Variants in MON1A observed in about 807,000 individuals in gnomAD.
MON1A encodes vacuolar fusion protein MON1 homolog A.
A neutral mutation model predicts 44.6 loss-of-function variants in MON1A; 29 were observed. The observed-to-expected ratio is 0.65, with a 90% CI of 0.48 to 0.89. MON1A has a LOEUF of 0.89. Among genes scored for constraint, MON1A ranks in the 40% least tolerant of loss-of-function variants. The probability of loss-of-function intolerance (pLI) is 0.00; values close to 1 mark genes in which losing one functional copy is unlikely to be tolerated. For missense variants in MON1A, 615 were observed against 759.6 expected, an observed-to-expected ratio of 0.81 and a Z score of 2.24; for synonymous variants, 275 against 316.4, an observed-to-expected ratio of 0.87 and a Z score of 1.39.
chr3:49,924,590 A>T, intron 1 of MON1A: 1 of 229,694 alleles, frequency 4.4e-6, no homozygotes. Context: ...AAGGTATGAG[A>T]ATCACTTGAA....
chr3:49,909,350 A>C lies in MON1A; in HGVS notation c.1430T>G (p.Leu477Arg), dbSNP rs747010377. ...YTSEEEQERL[L>R]GLYQYLHSRA... ...ACTGTGCAAGTACTGGTAGAGGCCC[A>C]GCAGCCGCTCCTGCTCCTCTTCACT... is the stretch of plus-strand genomic sequence containing the variant. Residue 477 changes from leucine to arginine, a missense_variant, in exon 5 of 6, where the codon CTG (leucine) becomes CGG (arginine). Leu to Arg is a moderately radical substitution (Grantham distance 102). Coordinates refer to ENST00000296473, the MANE Select transcript of MON1A (RefSeq NM_032355.4). The surrounding 1 kb of genome is among the most constrained non-coding windows in gnomAD (Gnocchi z 4.0). 2 of 1,614,056 alleles carry C rather than the reference A, an allele frequency of 1.2e-6. No individual in the cohort carries two copies. Among genetic ancestry groups the C allele is most frequent in the South Asian group, 2.2e-5 (2 of 91,088 alleles).
At chr3:49,929,242 C>A in intron 1 of MON1A, 1 of 343,122 alleles carries the variant, frequency 2.9e-6, no homozygotes, top group South Asian at 2.6e-5. Flanking sequence ...AAGCAAAGAC[C>A]CAAGCCCCTT....
In MON1A at chr3:49,911,003, T is replaced by C; in HGVS notation, c.614-119A>G. ...TCCTCGCTCAGAGCTCTGCGCACAG[T>C]AGGGGTTTAAGGATGTTCAGGATAA... On this transcript the variant is annotated intron_variant, in intron 3 of 5. Coordinates refer to ENST00000296473, the MANE Select transcript of MON1A (RefSeq NM_032355.4). This position sits in a 1 kb window ranked among gnomAD's most constrained non-coding sequence, Gnocchi z 5.7. 1 of 998,070 alleles carries C rather than the reference T, an allele frequency of 1.0e-6. No homozygotes were observed. The highest frequency in any genetic ancestry group is 1.4e-6 in the Non-Finnish European group (1 of 694,380). The allele number at this position is 998,070 out of a possible 1,614,324, so 61.8% of individuals were successfully genotyped here.
chr3:49,928,530 C>T (rs1575482393), intron 1 of MON1A, among the ~76,000 whole-genome samples: 1 of 152,298 alleles, frequency 6.6e-6, no homozygotes, highest in Non-Finnish European at 1.5e-5. Context: ...CAAGTTGGCT[C>T]AATCAGCCCT....
At chr3:49,913,396 G>A in intron 1 of MON1A, 37 bp from the exon 2 acceptor site, 1 of 1,585,474 alleles carries the variant, frequency 6.3e-7, no homozygotes, top group South Asian at 1.1e-5. Context: ...ATGGCTTTTG[G>A]CAGGGTCACA....
rs1313335018 is a variant in MON1A at position 49,910,119 on chromosome 3, CTGG to C, written c.1376_1378del (p.Thr459del). ...CAGTGCCCTCAAGGCCCTCCCTCAC[CTGG>C]TGAAGAGTCCCGAGCTCTTTGACTT... On this transcript the variant is annotated inframe_deletion and splice_region_variant, in exon 4 of 6. Transcript: ENST00000296473. The surrounding 1 kb of genome is among the most constrained non-coding windows in gnomAD (Gnocchi z 8.0). 6.3e-7 allele frequency: 1 copy of C among 1,586,746 alleles called. No individual in the cohort carries two copies. The highest frequency in any genetic ancestry group is 1.1e-5 in the South Asian group (1 of 88,288).
At chr3:49,912,139 GC>G in intron 2 of MON1A, 128 bp from the exon 3 acceptor site, 1 of 1,109,184 alleles carries the variant, frequency 9.0e-7, no homozygotes, top group Non-Finnish European at 1.2e-6. Flanking sequence ...GTTCCCTTCT[GC>G]CACTGTCTGC....
chr3:49,913,000 A>T, intron 2 of MON1A: 1 of 685,036 alleles, frequency 1.5e-6, no homozygotes, highest in Non-Finnish European at 2.6e-6. Context: ...CCACAATGGC[A>T]GCCAGAAAGC....
intron 1 of MON1A, among the ~76,000 whole-genome samples, chr3:49,923,104 G>A (rs890909860): frequency 1.3e-4 from 20 of 151,862 alleles, no homozygotes; most frequent in Admixed American, 1.2e-3. Context: ...CACTTTGGGA[G>A]GCCGAGGCAG....
chr3:49,914,017 C>T (rs533428507), intron 1 of MON1A, among the ~76,000 whole-genome samples: 6 of 151,948 alleles, frequency 3.9e-5, no homozygotes, highest in Non-Finnish European at 7.4e-5. Context: ...TTGACTTGGG[C>T]TCAAGCAGTC....
At position 49,911,385 on chromosome 3, in the gene MON1A, A is replaced by G; in HGVS notation, c.613+141T>C. On this transcript the variant is annotated intron_variant, in intron 3 of 5. Coordinates refer to ENST00000296473, the MANE Select transcript of MON1A (RefSeq NM_032355.4). This position sits in a 1 kb window ranked among gnomAD's most constrained non-coding sequence, Gnocchi z 5.7. ...GTTGTTATCTTCTGTTCAGGTGAGG[A>G]CCTTGAAGCTCAGAGAGGTAGAGGG... 7.8e-7 allele frequency: 1 copy of G among 1,274,752 alleles called. No individual in the cohort carries two copies. The highest frequency in any genetic ancestry group is 1.5e-5 in the African/African-American group (1 of 67,000). The allele number at this position is 1,274,752 out of a possible 1,614,324, so 79.0% of individuals were successfully genotyped here.
At chr3:49,913,658 G>GTTTTTTTTTTTTTTTTTTT (rs1559493127) in intron 1 of MON1A, among the ~76,000 whole-genome samples, 79 of 121,412 alleles carry the variant, frequency 6.5e-4, no homozygotes, top group African/African-American at 2.1e-3. Context: ...TTTCCTTCTA[G>GTTTTTTTTTTTTTTTTTTT]TATTTTTTTT....
In MON1A at chr3:49,910,488, T is replaced by C; in HGVS notation, c.1010A>G (p.Asp337Gly). The change falls in exon 4 of 6, where the codon GAC becomes GGC. Residue 337 changes from aspartate to glycine, a missense_variant. Coordinates refer to ENST00000296473, the MANE Select transcript of MON1A (RefSeq NM_032355.4). This position sits in a 1 kb window ranked among gnomAD's most constrained non-coding sequence, Gnocchi z 8.0. ...NQLVALVRRKDQFLHPIDLHL... is the reference protein window; with the variant it reads ...NQLVALVRRKGQFLHPIDLHL... Reference sequence around the variant, plus strand: ...CAGGTCGATGGGGTGCAGAAATTGGTCCTTTCGGCGCACGAGTGCCACGAG... The same window carrying C: ...CAGGTCGATGGGGTGCAGAAATTGGCCCTTTCGGCGCACGAGTGCCACGAG... The C allele has an allele frequency of 6.2e-7, 1 of 1,614,028 alleles. No homozygotes were observed. The highest frequency in any genetic ancestry group is 1.1e-5 in the South Asian group (1 of 91,086).
intron 1 of MON1A, among the ~76,000 whole-genome samples, chr3:49,928,558 A>C (rs915508468): frequency 1.3e-5 from 2 of 151,812 alleles, no homozygotes; most frequent in African/African-American, 4.8e-5. Context: ...TGCCTCTCTC[A>C]CTCAGGCAGC....
At position 49,911,213 on chromosome 3, in the gene MON1A, G is replaced by GATGGATAGATAGATAGATGATAGATAC. The variant is rs2082877137; in HGVS notation, c.613+312_613+313insGTATCTATCATCTATCTATCTATCCAT. Among the ~76,000 whole-genome samples, 1 of 140,084 alleles carries GATGGATAGATAGATAGATGATAGATAC rather than the reference G, an allele frequency of 7.1e-6. No homozygotes were observed. The highest frequency in any genetic ancestry group is 2.8e-5 in the African/African-American group (1 of 35,624). The allele number at this position is 140,084 out of a possible 152,430, so 91.9% of individuals were successfully genotyped here. ...GATTAGATAGATAGATAGATAGATA[G>GATGGATAGATAGATAGATGATAGATAC]ATAGATAGATAGATAGATAGATAGA... On this transcript the variant is annotated intron_variant, in intron 3 of 5. Coordinates refer to ENST00000296473, the MANE Select transcript of MON1A (RefSeq NM_032355.4). The surrounding 1 kb of genome is among the most constrained non-coding windows in gnomAD (Gnocchi z 5.7).
At chr3:49,913,119 A>C in intron 2 of MON1A, 101 bp downstream of exon 2, 2 of 1,474,656 alleles carry the variant, frequency 1.4e-6, no homozygotes, top group Non-Finnish European at 1.9e-6. Flanking sequence ...GTGACTGACA[A>C]ATGCATGAAT....
Position 49,911,691 on chromosome 3 carries a change from C to G in MON1A, c.448G>C (p.Ala150Pro). 1 of 1,614,116 alleles carries G rather than the reference C, an allele frequency of 6.2e-7. No individual in the cohort carries two copies. Among genetic ancestry groups the G allele is most frequent in the Middle Eastern group, 1.6e-4 (1 of 6,062 alleles). The change falls in exon 3 of 6, where the codon GCA becomes CCA. Residue 150 changes from alanine to proline, a missense_variant. By Grantham distance (27) the Ala-to-Pro change is conservative (BLOSUM62 -1). Transcript: ENST00000296473. This position sits in a 1 kb window ranked among gnomAD's most constrained non-coding sequence, Gnocchi z 5.7. ...TEGDEEDATE[A>P]WRLHQKHVFV... is the part of the protein sequence containing the mutation. Reference sequence around the variant, plus strand: ...ACATGCTTCTGGTGCAGGCGCCATGCCTCCGTGGCATCCTCCTCATCCCCC... The same window carrying G: ...ACATGCTTCTGGTGCAGGCGCCATGGCTCCGTGGCATCCTCCTCATCCCCC...
In MON1A at chr3:49,911,509, C is replaced by A; in HGVS notation, c.613+17G>T. On this transcript the variant is annotated intron_variant, in intron 3 of 5. Transcript: ENST00000296473. This position sits in a 1 kb window ranked among gnomAD's most constrained non-coding sequence, Gnocchi z 5.7. The stretch of plus-strand genomic sequence containing the variant: ...TGGCCAGGGGAGCCCGCCCCATTCC[C>A]TCTCCAGGTGGCTCACCTGCATGGA... 1 of 1,594,282 alleles carries A rather than the reference C, an allele frequency of 6.3e-7. No individual in the cohort carries two copies. The highest frequency in any genetic ancestry group is 8.6e-7 in the Non-Finnish European group (1 of 1,168,392).
Position 49,911,647 on chromosome 3 carries a change from T to G in MON1A, c.492A>C (p.Ala164=), listed in dbSNP as rs767973250. Residue 164 remains alanine (A), a synonymous_variant, in exon 3 of 6, where the codon GCA becomes GCC. Coordinates refer to ENST00000296473, the MANE Select transcript of MON1A (RefSeq NM_032355.4). This position sits in a 1 kb window ranked among gnomAD's most constrained non-coding sequence, Gnocchi z 5.7. ...CATAGCGGGAGTACACAGGCTTCCC[T>G]GCCTCACTCAGCACAAAGACATGCT... ...HQKHVFVLSE[A]GKPVYSRYGS... is the part of the protein sequence containing the mutation. The G allele has an allele frequency of 6.2e-7, 1 of 1,614,192 alleles. No individual in the cohort carries two copies. Among genetic ancestry groups the G allele is most frequent in the Non-Finnish European group, 8.5e-7 (1 of 1,180,008 alleles).
Sources: allele counts gnomAD v4.1 joint callset (sites outside exome capture counted in the v4.1 genomes callset), GRCh38; gene constraint gnomAD v4.1.1; non-coding constraint Gnocchi (gnomAD v3.1); transcripts MANE v1.5; gene names NCBI Gene and HGNC (gene_info 2026-07-23, HGNC 2026-07-21).